The following CSMD2 variants were observed in gnomAD, a reference collection of about 807,000 sequenced individuals.
The protein encoded by CSMD2 is CUB and Sushi multiple domains 2.
CSMD2 carries 130 observed loss-of-function variants against 398.5 expected under a neutral mutation model. The observed-to-expected ratio is 0.33, with a 90% CI of 0.28 to 0.38. CSMD2 has a LOEUF of 0.38. Among genes scored for constraint, CSMD2 ranks in the 10% least tolerant of loss-of-function variants. The pLI is 1.00. For missense variants in CSMD2, 3,829 were observed against 4,764.9 expected, an observed-to-expected ratio of 0.80 and a Z score of 5.78; for synonymous variants, 1,828 against 1,908.5, an observed-to-expected ratio of 0.96 and a Z score of 1.10.
In CSMD2 at chr1:33,662,294, C is replaced by T. The variant is rs529534498; in HGVS notation, c.4255+596G>A. Among the ~76,000 whole-genome samples the T allele has an allele frequency of 2.0e-5, 3 of 152,272 alleles. No homozygotes were observed. The East Asian group carries it at 5.8e-4, about 29-fold the overall frequency. Reference sequence around the variant, plus strand: ...CTGAGCGTGCAGCATGTCCCATCAGCTTATTCATAACCATGCCCCAAGCCA... The same window carrying T: ...CTGAGCGTGCAGCATGTCCCATCAGTTTATTCATAACCATGCCCCAAGCCA... On this transcript the variant is annotated intron_variant, in intron 26 of 70. Coordinates refer to ENST00000373381, the MANE Select transcript of CSMD2 (RefSeq NM_001281956.2).
intron 2 of CSMD2, among the ~76,000 whole-genome samples, chr1:34,063,776 G>C (rs558828076): frequency 6.0e-4 from 92 of 152,322 alleles, no homozygotes; most frequent in African/African-American, 2.2e-3. Flanking sequence ...TGGGTGCTCC[G>C]ATCCCACATT....
chr1:33,954,399 T>G (rs1645100557), intron 3 of CSMD2, among the ~76,000 whole-genome samples: 1 of 151,164 alleles, frequency 6.6e-6, no homozygotes, highest in Non-Finnish European at 1.5e-5. Context: ...GCAGTTCTGT[T>G]GGTGGTGGGG....
intron 25 of CSMD2, among the ~76,000 whole-genome samples, chr1:33,679,301 A>C (rs1020987059): frequency 4.6e-5 from 7 of 151,048 alleles, no homozygotes; most frequent in African/African-American, 1.7e-4. Flanking sequence ...CCCTGGGTTC[A>C]AGCGATTCTC....
chr1:33,531,634 T>C (rs1467355071), intron 64 of CSMD2, among the ~76,000 whole-genome samples: 1 of 152,180 alleles, frequency 6.6e-6, no homozygotes, highest in East Asian at 1.9e-4. Flanking sequence ...GATTCACGCA[T>C]AAGAAGGAAA....
chr1:34,046,199 C>T (rs1210549923), intron 2 of CSMD2, among the ~76,000 whole-genome samples: 1 of 152,182 alleles, frequency 6.6e-6, no homozygotes, highest in Non-Finnish European at 1.5e-5. Flanking sequence ...ACAGGATATG[C>T]AGGTGGTAGT....
intron 3 of CSMD2, among the ~76,000 whole-genome samples, chr1:33,944,721 A>T (rs569809391): frequency 1.3e-5 from 2 of 152,252 alleles, no homozygotes; most frequent in East Asian, 3.9e-4. Flanking sequence ...AGGTACTACA[A>T]CTGTCTCCTT....
At chr1:33,849,032 C>A (rs553962814) in intron 5 of CSMD2, among the ~76,000 whole-genome samples, 6 of 152,276 alleles carry the variant, frequency 3.9e-5, no homozygotes, top group Admixed American at 3.3e-4. Context: ...ACTTCCCCGG[C>A]CTGTGAGATC....
chr1:33,813,326 C>T (rs1309487228), intron 9 of CSMD2: 1 of 152,096 alleles, frequency 6.6e-6, no homozygotes, highest in Non-Finnish European at 1.5e-5. Flanking sequence ...TACTTTTTTC[C>T]TCTGCTATCT....
intron 18 of CSMD2, 99 bp from the exon 19 acceptor site, chr1:33,724,412 A>T: frequency 4.6e-6 from 7 of 1,524,782 alleles, no homozygotes; most frequent in Non-Finnish European, 6.3e-6. Flanking sequence ...CGAAAGCCCA[A>T]CCTTCGCTGA....
intron 32 of CSMD2, among the ~76,000 whole-genome samples, chr1:33,630,882 A>G (rs921732209): frequency 1.4e-4 from 21 of 152,208 alleles, no homozygotes; most frequent in African/African-American, 4.8e-4. Context: ...CATAGTACAT[A>G]TCAAAATTTA....
At chr1:33,892,046 A>AAATAAT (rs58301570) in intron 5 of CSMD2, among the ~76,000 whole-genome samples, 17,260 of 147,096 alleles carry the variant, frequency 0.12, 1,108 homozygotes, top group South Asian at 0.21. Context: ...ACTTAAAGTA[A>AAATAAT]AATAATAATA....
chr1:33,843,421 T>C (rs1451737009), intron 6 of CSMD2, among the ~76,000 whole-genome samples: 1 of 152,232 alleles, frequency 6.6e-6, no homozygotes, highest in Non-Finnish European at 1.5e-5. Context: ...TTTTTGTTTA[T>C]CTGGGAAAAA....
chr1:34,064,690 C>T (rs1238847232), intron 2 of CSMD2, among the ~76,000 whole-genome samples: 1 of 152,198 alleles, frequency 6.6e-6, no homozygotes, highest in African/African-American at 2.4e-5. Flanking sequence ...TCCAAAGTTG[C>T]TTCCACATTT....
At chr1:34,022,015 C>T (rs12068035) in intron 3 of CSMD2, among the ~76,000 whole-genome samples, 17,469 of 152,174 alleles carry the variant, frequency 0.11, 1,093 homozygotes, top group East Asian at 0.19. Context: ...CTGGATCTTA[C>T]GACTGGGGGC....
intron 1 of CSMD2, among the ~76,000 whole-genome samples, chr1:34,153,560 T>C (rs886406944): frequency 2.0e-4 from 31 of 152,344 alleles, no homozygotes; most frequent in African/African-American, 6.7e-4. Context: ...AACTTGCCCA[T>C]GTCCCCAGTG....
At chr1:33,997,388 T>C (rs1646761861) in intron 3 of CSMD2, among the ~76,000 whole-genome samples, 1 of 152,202 alleles carries the variant, frequency 6.6e-6, no homozygotes, top group Non-Finnish European at 1.5e-5. Context: ...GCATTATTAT[T>C]CTCCTCTTTC....
In CSMD2 at chr1:33,632,432, G is replaced by A. The variant is rs369872272; in HGVS notation, c.5200+990C>T. 4.6e-5 allele frequency among the ~76,000 whole-genome samples: 7 copies of A among 152,100 alleles called. No homozygotes were observed. In the East Asian group the frequency reaches 1.2e-3, roughly 25 times the overall value. Reference sequence around the variant, plus strand: ...CTCTACTCAATAAATAAGAAAATAAGTGCTTGTAGAAAAATCGACACAAAT... The same window carrying A: ...CTCTACTCAATAAATAAGAAAATAAATGCTTGTAGAAAAATCGACACAAAT... On this transcript the variant is annotated intron_variant, in intron 32 of 70. Transcript: ENST00000373381.
chr1:33,985,518 G>A (rs1025993871), intron 3 of CSMD2, among the ~76,000 whole-genome samples: 1 of 152,168 alleles, frequency 6.6e-6, no homozygotes, highest in Non-Finnish European at 1.5e-5. Flanking sequence ...CTGGCTTGGA[G>A]GGTGCTTGTA....
chr1:34,094,520 T>C (rs369983382), intron 1 of CSMD2, among the ~76,000 whole-genome samples: 47 of 151,736 alleles, frequency 3.1e-4, no homozygotes, highest in African/African-American at 9.4e-4. Flanking sequence ...ACCCATCTCA[T>C]GTGCAGAGAC....
Sources: gnomAD v4.1 joint callset for allele counts (sites outside exome capture counted in the v4.1 genomes callset) on GRCh38, gnomAD v4.1.1 for gene constraint, MANE v1.5 for transcripts, NCBI Gene and HGNC (gene_info 2026-07-23, HGNC 2026-07-21) for gene names.